The following CFAP61 variants were observed in gnomAD, a reference collection of about 807,000 sequenced individuals.
CFAP61 encodes cilia- and flagella-associated protein 61.
Under a neutral mutation model 135.6 loss-of-function variants are expected in CFAP61, and 107 were observed. The ratio of observed to expected loss-of-function variants is 0.79; its 90% CI spans 0.67 to 0.93. The LOEUF is 0.93. CFAP61 is among the 40% of genes least tolerant of loss of function. The pLI, the probability that CFAP61 is intolerant of heterozygous loss-of-function variation, is 0.00. For synonymous variants in CFAP61, 575 were observed against 578.5 expected, an observed-to-expected ratio of 0.99 and a Z score of 0.09; for missense variants, 1,507 against 1,556.2, an observed-to-expected ratio of 0.97 and a Z score of 0.53.
Position 20,199,829 on chromosome 20 carries a change from C to G in CFAP61, c.1859C>G (p.Pro620Arg), listed in dbSNP as rs770379946. 1.2e-6 allele frequency: 2 copies of G among 1,614,182 alleles called. No individual in the cohort carries two copies. The highest frequency in any genetic ancestry group is 2.2e-5 in the South Asian group (2 of 91,084). The change falls in exon 17 of 27, where the codon CCA becomes CGA. Residue 620 changes from proline to arginine, a missense_variant. Pro to Arg is a moderately radical substitution (Grantham distance 103, BLOSUM62 -2). Coordinates refer to ENST00000245957, the MANE Select transcript of CFAP61 (RefSeq NM_015585.4). ...SALHYLVPVR[P>R]RRQIVYPLEK... ...CTTCATTACTTGGTTCCCGTGCGAC[C>G]ACGACGACAGATTGTCTATCCTCTG...
intron 25 of CFAP61, among the ~76,000 whole-genome samples, chr20:20,326,274 G>C (rs4814972): frequency 0.15 from 22,409 of 151,622 alleles, 1,816 homozygotes; most frequent in East Asian, 0.27. Context: ...TTTGTGGCTT[G>C]TCTTTTTATT....
intron 6 of CFAP61, among the ~76,000 whole-genome samples, chr20:20,087,042 A>G (rs980438918): frequency 3.9e-5 from 6 of 152,322 alleles, no homozygotes; most frequent in Non-Finnish European, 8.8e-5. Flanking sequence ...AACTTGTATC[A>G]TTATTGGTGA....
At position 20,056,081 on chromosome 20, in the gene CFAP61, A is replaced by G. The variant is rs904773381; in HGVS notation, c.-36-537A>G. On this transcript the variant is annotated intron_variant, in intron 1 of 26. Coordinates refer to ENST00000245957, the MANE Select transcript of CFAP61 (RefSeq NM_015585.4). Reference sequence around the variant, plus strand: ...TACAAAGAAAACAAGTTGCTTTATTATGGAACCTCTCAAAGATGTTAATGG... The same window carrying G: ...TACAAAGAAAACAAGTTGCTTTATTGTGGAACCTCTCAAAGATGTTAATGG... 32 of 1,156,236 alleles carry G rather than the reference A, an allele frequency of 2.8e-5. No individual in the cohort carries two copies. In the African/African-American group the frequency reaches 4.5e-4, roughly 16 times the overall value. The allele number at this position is 1,156,236 out of a possible 1,614,324, so 71.6% of individuals were successfully genotyped here.
At chr20:20,108,524 G>GA (rs60347364) in intron 8 of CFAP61, among the ~76,000 whole-genome samples, 7 of 150,682 alleles carry the variant, frequency 4.6e-5, no homozygotes, top group African/African-American at 7.3e-5. Flanking sequence ...AATCTCAGGT[G>GA]AAAAAAAAAT....
intron 8 of CFAP61, among the ~76,000 whole-genome samples, chr20:20,118,993 T>C (rs1002164625): frequency 7.9e-5 from 12 of 152,154 alleles, no homozygotes; most frequent in African/African-American, 2.7e-4. Context: ...GTGAATGATA[T>C]CTTTAATGTG....
intron 8 of CFAP61, among the ~76,000 whole-genome samples, chr20:20,104,297 T>C (rs1310848270): frequency 6.6e-6 from 1 of 152,184 alleles, no homozygotes. Flanking sequence ...TCTTTATATG[T>C]CTTATTTCAA....
chr20:20,334,988 G>A (rs2058127172), intron 25 of CFAP61, among the ~76,000 whole-genome samples: 1 of 152,148 alleles, frequency 6.6e-6, no homozygotes, highest in African/African-American at 2.4e-5. Flanking sequence ...AAATTGTACT[G>A]AAATGCATGA....
chr20:20,278,549 G>A (rs1374031260), intron 22 of CFAP61, among the ~76,000 whole-genome samples: 1 of 151,194 alleles, frequency 6.6e-6, no homozygotes, highest in Non-Finnish European at 1.5e-5. Context: ...TGTGTTAACG[G>A]TTGTGATAAA....
At chr20:20,341,752 A>G (rs779436524) in intron 25 of CFAP61, 79 bp from the exon 26 acceptor site, 26 of 1,001,988 alleles carry the variant, frequency 2.6e-5, no homozygotes, top group Non-Finnish European at 3.9e-5. Context: ...TAATTTATAA[A>G]GGCAAAAAAG....
chr20:20,149,027 C>T (rs2052157641), intron 9 of CFAP61, among the ~76,000 whole-genome samples: 1 of 152,192 alleles, frequency 6.6e-6, no homozygotes, highest in Non-Finnish European at 1.5e-5. Flanking sequence ...AATAAAACAA[C>T]TTCATTACTC....
intron 17 of CFAP61, among the ~76,000 whole-genome samples, chr20:20,210,004 G>T: frequency 6.6e-6 from 1 of 152,252 alleles, no homozygotes; most frequent in Non-Finnish European, 1.5e-5. Flanking sequence ...GTGTGGCCTT[G>T]TGTTCCCTGG....
chr20:20,321,240 T>G (rs913393), intron 25 of CFAP61, among the ~76,000 whole-genome samples: 43,587 of 151,954 alleles, frequency 0.29, 6,624 homozygotes, highest in South Asian at 0.41. Flanking sequence ...TAGTTATGCC[T>G]AAAGTTAATA....
At chr20:20,253,132 C>G (rs1056162320) in intron 20 of CFAP61, among the ~76,000 whole-genome samples, 55 of 135,618 alleles carry the variant, frequency 4.1e-4, no homozygotes, top group African/African-American at 1.4e-3. Context: ...GATGGGGAGC[C>G]TGAGATGCTA....
At chr20:20,279,834 C>T (rs1056582570) in intron 22 of CFAP61, among the ~76,000 whole-genome samples, 2 of 152,106 alleles carry the variant, frequency 1.3e-5, no homozygotes, top group African/African-American at 4.8e-5. Flanking sequence ...TCCCAGGTTC[C>T]ATTATTCTCT....
At chr20:20,345,769 A>G (rs979556034) in intron 26 of CFAP61, among the ~76,000 whole-genome samples, 5 of 152,060 alleles carry the variant, frequency 3.3e-5, no homozygotes, top group African/African-American at 1.2e-4. Flanking sequence ...AAAAATACAA[A>G]AAATTAGCCA....
intron 17 of CFAP61, 45 bp downstream of exon 17, chr20:20,199,947 G>T (rs117926543): frequency 2.5e-6 from 4 of 1,604,644 alleles, no homozygotes; most frequent in Non-Finnish European, 3.4e-6. Context: ...GCCAGCTCCC[G>T]CGGGCCTGGC....
intron 18 of CFAP61, among the ~76,000 whole-genome samples, chr20:20,245,868 C>T (rs1385475151): frequency 6.6e-6 from 1 of 152,176 alleles, no homozygotes; most frequent in African/African-American, 2.4e-5. Flanking sequence ...TTGAAAAGCA[C>T]ATTTTAAAAA....
chr20:20,164,354 T>G, intron 11 of CFAP61, 126 bp downstream of exon 11: 1 of 932,374 alleles, frequency 1.1e-6, no homozygotes, highest in Non-Finnish European at 1.6e-6. Context: ...CCTGGGGAAT[T>G]TTTTAAAACA....
At chr20:20,288,521 A>C in intron 22 of CFAP61, 88 bp from the exon 23 acceptor site, 1 of 1,012,870 alleles carries the variant, frequency 9.9e-7, no homozygotes, top group East Asian at 2.4e-5. Flanking sequence ...TGCCCCGAAT[A>C]ATAAAATGCC....
Sources: gnomAD v4.1 joint callset for allele counts (sites outside exome capture counted in the v4.1 genomes callset) on GRCh38, gnomAD v4.1.1 for gene constraint, MANE v1.5 for transcripts, NCBI Gene and HGNC (gene_info 2026-07-23, HGNC 2026-07-21) for gene names.